Variants in NRG1 observed in about 807,000 individuals in gnomAD.
NRG1 encodes the protein neuregulin 1, also known as pro-neuregulin-1, membrane-bound isoform.
Under a neutral mutation model 63.8 loss-of-function variants are expected in NRG1, and 18 were observed. That is an observed-to-expected ratio of 0.28 (90% CI 0.19 to 0.42). The LOEUF (loss-of-function observed/expected upper bound fraction) is 0.42. NRG1 is among the 10% of genes least tolerant of loss of function. The pLI is 1.00. For missense variants in NRG1, 762 were observed against 814.7 expected, an observed-to-expected ratio of 0.94 and a Z score of 0.79; for synonymous variants, 302 against 301.3, an observed-to-expected ratio of 1.00 and a Z score of -0.02.
chr8:32,587,974 G>C (rs934072915), intron 1 of NRG1, among the ~76,000 whole-genome samples: 4 of 152,012 alleles, frequency 2.6e-5, no homozygotes, highest in African/African-American at 9.7e-5. Context: ...TGTCACCCAG[G>C]CTGGAGTGCA....
intron 1 of NRG1, among the ~76,000 whole-genome samples, chr8:31,963,717 G>C (rs1805852728): frequency 6.6e-6 from 1 of 151,906 alleles, no homozygotes; most frequent in South Asian, 2.1e-4. Context: ...CTTTCTGCTT[G>C]GTGAAACAAT....
chr8:31,950,927 T>C lies in NRG1; in HGVS notation c.37+311496T>C, dbSNP rs185240621. On this transcript the variant is annotated intron_variant, in intron 1 of 10. Coordinates refer to the NRG1 transcript ENST00000519301. Reference sequence around the variant, plus strand: ...AAAGAGAGGACACTGTGAAAATCACTTTCCAAACTGACTTGTATTGAAACT... The same window carrying C: ...AAAGAGAGGACACTGTGAAAATCACCTTCCAAACTGACTTGTATTGAAACT... 5.6e-3 allele frequency among the ~76,000 whole-genome samples: 850 copies of C among 152,332 alleles called. 2 individuals are homozygous for C. Among genetic ancestry groups the C allele is most frequent in the Middle Eastern group, 0.014 (4 of 294 alleles).
chr8:31,729,507 T>C (rs1165459257), intron 1 of NRG1, among the ~76,000 whole-genome samples: 1 of 152,148 alleles, frequency 6.6e-6, no homozygotes, highest in Non-Finnish European at 1.5e-5. Context: ...TGTCTAAATA[T>C]ACCACTGAAT....
intron 5 of NRG1, among the ~76,000 whole-genome samples, chr8:32,664,482 G>A (rs1589069923): frequency 6.6e-6 from 1 of 152,084 alleles, no homozygotes; most frequent in Admixed American, 6.6e-5. Context: ...GAGTCGGCCA[G>A]TTGAGTCAGT....
intron 1 of NRG1, among the ~76,000 whole-genome samples, chr8:32,590,420 A>C (rs1842322587): frequency 2.0e-5 from 3 of 152,224 alleles, no homozygotes; most frequent in South Asian, 4.1e-4. Flanking sequence ...ATCATGCTTA[A>C]GATTCTCGGA....
intron 1 of NRG1, among the ~76,000 whole-genome samples, chr8:31,769,894 A>G (rs77818618): frequency 0.015 from 2,333 of 152,252 alleles, 64 homozygotes; most frequent in African/African-American, 0.054. Context: ...GAAACAGCAA[A>G]CCCTAAGGGG....
intron 1 of NRG1, among the ~76,000 whole-genome samples, chr8:31,817,336 A>T (rs1823554650): frequency 6.6e-6 from 1 of 152,210 alleles, no homozygotes; most frequent in Non-Finnish European, 1.5e-5. Flanking sequence ...AGACATCAAT[A>T]GGGATGGACT....
chr8:32,432,228 G>T (rs1220792138), intron 1 of NRG1, among the ~76,000 whole-genome samples: 1 of 152,002 alleles, frequency 6.6e-6, no homozygotes, highest in Non-Finnish European at 1.5e-5. Context: ...AAAATTAGAG[G>T]ATAAAAGGAT....
At chr8:32,068,415 CT>C (rs1203859757) in intron 1 of NRG1, among the ~76,000 whole-genome samples, 1 of 152,160 alleles carries the variant, frequency 6.6e-6, no homozygotes, top group East Asian at 1.9e-4. Flanking sequence ...TCAGACACTA[CT>C]TTAGCACAGG....
intron 5 of NRG1, among the ~76,000 whole-genome samples, chr8:32,663,690 A>G (rs1339257448): frequency 1.3e-5 from 2 of 152,182 alleles, no homozygotes; most frequent in African/African-American, 4.8e-5. Flanking sequence ...TTATCAAGAG[A>G]GGAGAAGCAG....
At chr8:32,538,159 T>A (rs777083612) in intron 1 of NRG1, among the ~76,000 whole-genome samples, 9 of 152,062 alleles carry the variant, frequency 5.9e-5, no homozygotes, top group Non-Finnish European at 1.2e-4. Flanking sequence ...GCTGAGACAG[T>A]GACCCTCTGA....
chr8:32,174,838 T>C (rs1479179442), intron 1 of NRG1, among the ~76,000 whole-genome samples: 2 of 152,048 alleles, frequency 1.3e-5, no homozygotes, highest in African/African-American at 2.4e-5. Flanking sequence ...AGGCAATAAT[T>C]AATAGCTTAC....
chr8:32,245,727 T>C (rs1472864266), intron 1 of NRG1, among the ~76,000 whole-genome samples: 3 of 152,156 alleles, frequency 2.0e-5, no homozygotes. Context: ...ATTTACATTG[T>C]TGTCTTAAAG....
Position 32,421,485 on chromosome 8 carries a change from T to C in NRG1, c.38-174343T>C, listed in dbSNP as rs543703476. On this transcript the variant is annotated intron_variant, in intron 1 of 10. Coordinates refer to the NRG1 transcript ENST00000519301. ...GCTCACAGGCACGCCGCATGATGAG[T>C]GAGGTCATGTTAATAAAGCCCTGGG... 4.3e-4 allele frequency among the ~76,000 whole-genome samples: 66 copies of C among 152,080 alleles called. 2 individuals carry two copies. In the South Asian group the frequency reaches 0.01, roughly 24 times the overall value.
In NRG1 at chr8:32,304,146, A is replaced by G. The variant is rs1003796441; in HGVS notation, c.38-291682A>G. On this transcript the variant is annotated intron_variant, in intron 1 of 10. Coordinates refer to the NRG1 transcript ENST00000519301. ...TTTAAAATTCTTCTGAGTGTCTTAA[A>G]ATAGTACTGAAGTTTTCATGACAGT... Among the ~76,000 whole-genome samples, 23 of 152,338 alleles carry G rather than the reference A, an allele frequency of 1.5e-4. 1 individual carries two copies. The highest frequency in any genetic ancestry group is 5.5e-4 in the African/African-American group (23 of 41,588).
At chr8:32,203,664 A>G (rs1843726223) in intron 1 of NRG1, among the ~76,000 whole-genome samples, 1 of 152,138 alleles carries the variant, frequency 6.6e-6, no homozygotes, top group Non-Finnish European at 1.5e-5. Context: ...ACCCAGCCTC[A>G]TTCATTCATT....
rs201406660 is a variant in NRG1, at chr8:32,389,759, C to CT, written c.38-206050dup. The stretch of plus-strand genomic sequence containing the variant: ...GCAGCTTTTCTTTCAGTCTTTCTTT[C>CT]TTTTTTTTTTTTTTTTTTTGAAATG... On this transcript the variant is annotated intron_variant, in intron 1 of 10. Coordinates refer to the NRG1 transcript ENST00000519301. Among the ~76,000 whole-genome samples, 234 of 145,756 alleles carry CT rather than the reference C, an allele frequency of 1.6e-3. 1 individual carries two copies. Among genetic ancestry groups the CT allele is most frequent in the East Asian group, 9.7e-3 (46 of 4,728 alleles).
At chr8:32,768,828 G>T (rs1320945367), downstream of NRG1, among the ~76,000 whole-genome samples, 1 of 152,022 alleles carries the variant, frequency 6.6e-6, no homozygotes, top group Admixed American at 6.6e-5. Flanking sequence ...GGAGTTTGGG[G>T]GTAACCTGAG....
At chr8:31,940,754 A>G (rs1801627828) in intron 1 of NRG1, among the ~76,000 whole-genome samples, 3 of 152,092 alleles carry the variant, frequency 2.0e-5, no homozygotes, top group Admixed American at 1.3e-4. Flanking sequence ...AAGATTATTC[A>G]AGGCTACTAT....
Sources: allele counts gnomAD v4.1 joint callset (sites outside exome capture counted in the v4.1 genomes callset), GRCh38; gene constraint gnomAD v4.1.1; transcripts MANE v1.5; gene names NCBI Gene and HGNC (gene_info 2026-07-23, HGNC 2026-07-21).